The following COP1 variants were observed in gnomAD, a reference collection of about 807,000 sequenced individuals.
COP1 encodes the protein COP1 E3 ubiquitin ligase.
COP1 carries 24 observed loss-of-function variants against 101.3 expected under a neutral mutation model. The observed-to-expected ratio is 0.24, with a 90% CI of 0.17 to 0.33. COP1 has a LOEUF of 0.33. Ranked by LOEUF, COP1 falls within the 10% of genes least tolerant of loss-of-function variation. The pLI, the probability that COP1 is intolerant of heterozygous loss-of-function variation, is 1.00. For missense variants in COP1, 663 were observed against 906.2 expected, an observed-to-expected ratio of 0.73 and a Z score of 3.45; for synonymous variants, 347 against 341.9, an observed-to-expected ratio of 1.01 and a Z score of -0.17.
chr1:176,193,718 A>G (rs190589898), intron 1 of COP1, among the ~76,000 whole-genome samples: 1 of 152,312 alleles, frequency 6.6e-6, no homozygotes, highest in African/African-American at 2.4e-5. Flanking sequence ...ACCATATATT[A>G]TATGATTGCA....
chr1:176,029,444 TA>T lies in COP1; in HGVS notation c.1613-1757del, dbSNP rs367964414. On this transcript the variant is annotated intron_variant, in intron 14 of 19. Coordinates refer to ENST00000367669, the MANE Select transcript of COP1 (RefSeq NM_022457.7). ...CAACTATCATATCATTTTTCAACAA[TA>T]AAAACAGTAAGACAGGATACACCCA... Among the ~76,000 whole-genome samples, 71 of 152,236 alleles carry T rather than the reference TA, an allele frequency of 4.7e-4. 1 individual carries two copies. The East Asian group carries it at 0.012, about 25-fold the overall frequency.
At chr1:175,953,509 G>A (rs1217870276) in intron 18 of COP1, among the ~76,000 whole-genome samples, 1 of 152,080 alleles carries the variant, frequency 6.6e-6, no homozygotes, top group Non-Finnish European at 1.5e-5. Flanking sequence ...TGTAATTCCA[G>A]CACTTTGGGA....
At chr1:176,196,615 A>C (rs776763540) in intron 1 of COP1, among the ~76,000 whole-genome samples, 5 of 152,208 alleles carry the variant, frequency 3.3e-5, no homozygotes, top group Admixed American at 1.3e-4. Context: ...AAGGAGTGAA[A>C]TCATACAAAA....
At chr1:175,973,162 C>T (rs1429383416) in intron 18 of COP1, among the ~76,000 whole-genome samples, 1 of 152,124 alleles carries the variant, frequency 6.6e-6, no homozygotes, top group Admixed American at 6.5e-5. Context: ...TTTTACAAGT[C>T]TAATTTTTAG....
chr1:176,178,818 A>C (rs1697334950), intron 2 of COP1, among the ~76,000 whole-genome samples: 1 of 151,626 alleles, frequency 6.6e-6, no homozygotes. Context: ...ACACCACTGC[A>C]CTCCAGCCTG....
At chr1:175,968,152 G>A (rs1652449531) in intron 18 of COP1, among the ~76,000 whole-genome samples, 1 of 152,178 alleles carries the variant, frequency 6.6e-6, no homozygotes, top group Non-Finnish European at 1.5e-5. Context: ...TTACAGGTGT[G>A]AGCCACCATG....
intron 18 of COP1, among the ~76,000 whole-genome samples, chr1:175,953,612 C>T (rs1005936831): frequency 3.0e-4 from 45 of 151,800 alleles, no homozygotes; most frequent in African/African-American, 1.0e-3. Flanking sequence ...AAAAAGGAAA[C>T]ACTTTAAACA....
At chr1:175,957,601 A>T (rs1463733731) in intron 18 of COP1, among the ~76,000 whole-genome samples, 1 of 152,242 alleles carries the variant, frequency 6.6e-6, no homozygotes, top group Admixed American at 6.5e-5. Context: ...ATGTAATACA[A>T]CAACTATGGA....
At chr1:176,090,079 C>T (rs1680989964) in intron 9 of COP1, among the ~76,000 whole-genome samples, 2 of 152,136 alleles carry the variant, frequency 1.3e-5, no homozygotes, top group Non-Finnish European at 1.5e-5. Context: ...CTTCACAACC[C>T]CTTATCTTAA....
intron 2 of COP1, among the ~76,000 whole-genome samples, chr1:176,182,135 T>C (rs1354878968): frequency 1.3e-5 from 2 of 152,106 alleles, no homozygotes; most frequent in African/African-American, 4.8e-5. Context: ...TTTTAAAAAA[T>C]GCCACAATGG....
chr1:176,184,231 G>A (rs1340484675), intron 2 of COP1, among the ~76,000 whole-genome samples: 3 of 152,132 alleles, frequency 2.0e-5, no homozygotes, highest in Non-Finnish European at 4.4e-5. Context: ...AAAGAACACA[G>A]AACTTTTTAA....
At chr1:176,199,451 G>A (rs1315311767) in intron 1 of COP1, among the ~76,000 whole-genome samples, 1 of 152,138 alleles carries the variant, frequency 6.6e-6, no homozygotes, top group Non-Finnish European at 1.5e-5. Flanking sequence ...CTAAAAATGT[G>A]AAGACGTGTC....
chr1:176,133,114 T>C (rs1173783225), intron 8 of COP1, among the ~76,000 whole-genome samples: 4 of 148,606 alleles, frequency 2.7e-5, no homozygotes, highest in African/African-American at 4.9e-5. Flanking sequence ...TATGTACGTA[T>C]ATATACTATA....
At chr1:175,955,766 CCACACACA>C (rs60306255) in intron 18 of COP1, among the ~76,000 whole-genome samples, 18 of 129,286 alleles carry the variant, frequency 1.4e-4, no homozygotes, top group East Asian at 7.2e-4. Context: ...TAGAGACAAA[CCACACACA>C]CACACACACA....
chr1:176,105,324 C>T (rs182446333), intron 9 of COP1, among the ~76,000 whole-genome samples: 47 of 152,002 alleles, frequency 3.1e-4, no homozygotes, highest in Admixed American at 2.1e-3. Flanking sequence ...GTAAATGAAC[C>T]TAACTGTATT....
At chr1:175,997,556 AAAAC>A (rs562827729) in intron 15 of COP1, among the ~76,000 whole-genome samples, 91 of 152,188 alleles carry the variant, frequency 6.0e-4, no homozygotes, top group Non-Finnish European at 1.1e-3. Context: ...TTACAAGAAA[AAAAC>A]AAACAACCCC....
intron 15 of COP1, among the ~76,000 whole-genome samples, chr1:176,014,307 T>C (rs1399941166): frequency 6.6e-6 from 1 of 152,218 alleles, no homozygotes; most frequent in African/African-American, 2.4e-5. Context: ...CACTGTCTAC[T>C]CTCATCAATG....
At chr1:176,058,129 GT>G (rs1674045302) in intron 11 of COP1, among the ~76,000 whole-genome samples, 1 of 49,976 alleles carries the variant, frequency 2.0e-5, no homozygotes. Context: ...CGGGAGGGAG[GT>G]GGGGTGGGGG....
chr1:176,097,889 C>G (rs1404238383), intron 9 of COP1, among the ~76,000 whole-genome samples: 4 of 137,516 alleles, frequency 2.9e-5, no homozygotes, highest in Non-Finnish European at 6.3e-5. Flanking sequence ...AAAAAAAAAG[C>G]TCTAATTAAT....
Sources: allele counts gnomAD v4.1 joint callset (sites outside exome capture counted in the v4.1 genomes callset), GRCh38; gene constraint gnomAD v4.1.1; transcripts MANE v1.5; gene names NCBI Gene and HGNC (gene_info 2026-07-23, HGNC 2026-07-21).